Variants in RIT2 observed in about 807,000 individuals in gnomAD.
RIT2 encodes GTP-binding protein Rit2.
A neutral mutation model predicts 23.7 loss-of-function variants in RIT2; 24 were observed. The observed-to-expected ratio is 1.01, with a 90% CI of 0.73 to 1.43. The LOEUF (loss-of-function observed/expected upper bound fraction) is 1.43. RIT2 is among the 40% of genes most tolerant of loss of function. The pLI, the probability that RIT2 is intolerant of heterozygous loss-of-function variation, is 0.00. For missense variants in RIT2, 236 were observed against 266.9 expected (o/e 0.88, Z 0.81); for synonymous variants, 107 against 91.1 (o/e 1.17, Z -0.99).
intron 3 of RIT2, among the ~76,000 whole-genome samples, chr18:42,942,801 T>C (rs1282644760): frequency 6.6e-6 from 1 of 152,128 alleles, no homozygotes; most frequent in Non-Finnish European, 1.5e-5. Context: ...ATACAAATTA[T>C]TGTAAAATAA....
Position 42,837,153 on chromosome 18 carries a change from CTTTTTT to C in RIT2, c.426+86413_426+86418del, listed in dbSNP as rs570701535. ...TAAAAATTTCTTTTTTTTTCTTTTT[CTTTTTT>C]TTTTTTTTTTTTTTTTTTTTTTTTT... On this transcript the variant is annotated intron_variant, in intron 4 of 4. Coordinates refer to ENST00000326695, the MANE Select transcript of RIT2 (RefSeq NM_002930.4). Among the ~76,000 whole-genome samples, 796 of 51,514 alleles carry C rather than the reference CTTTTTT, an allele frequency of 0.015. No homozygotes were observed. The East Asian group carries it at 0.21, about 13-fold the overall frequency. The allele number at this position is 51,514 out of a possible 152,430, so 33.8% of individuals were successfully genotyped here. A position where few individuals can be genotyped will look rare whatever the true frequency, so the allele number is the denominator to read the frequency against.
intron 4 of RIT2, among the ~76,000 whole-genome samples, chr18:42,782,779 A>G (rs1336840597): frequency 6.6e-6 from 1 of 152,104 alleles, no homozygotes; most frequent in Non-Finnish European, 1.5e-5. Context: ...TTGGTAGGGA[A>G]TCTAAATGTT....
intron 4 of RIT2, among the ~76,000 whole-genome samples, chr18:42,757,773 G>T (rs558443068): frequency 6.6e-6 from 1 of 152,064 alleles, no homozygotes; most frequent in Admixed American, 6.6e-5. Context: ...TTCATTTCTT[G>T]TCTCAGATCT....
At chr18:42,998,645 A>C (rs181489601) in intron 2 of RIT2, among the ~76,000 whole-genome samples, 8 of 152,242 alleles carry the variant, frequency 5.3e-5, no homozygotes, top group Admixed American at 5.2e-4. Flanking sequence ...GCATTGAGTC[A>C]ATAATATTCA....
chr18:42,825,013 A>C (rs2143998540), intron 4 of RIT2, among the ~76,000 whole-genome samples: 1 of 152,062 alleles, frequency 6.6e-6, no homozygotes, highest in South Asian at 2.1e-4. Context: ...CAGGAATCTG[A>C]CATTTTGCAC....
intron 4 of RIT2, among the ~76,000 whole-genome samples, chr18:42,888,517 C>A (rs974449558): frequency 1.4e-5 from 2 of 146,214 alleles, no homozygotes; most frequent in Admixed American, 1.4e-4. Flanking sequence ...TCTCCAGCAT[C>A]TGTTTTTTTT....
At chr18:42,869,540 T>C (rs1009693955) in intron 4 of RIT2, among the ~76,000 whole-genome samples, 1 of 152,232 alleles carries the variant, frequency 6.6e-6, no homozygotes, top group Non-Finnish European at 1.5e-5. Flanking sequence ...CTTTATATGG[T>C]CTTGCCTTTA....
chr18:42,890,778 A>G (rs1908151234), intron 4 of RIT2, among the ~76,000 whole-genome samples: 1 of 152,132 alleles, frequency 6.6e-6, no homozygotes. Flanking sequence ...AAAAAATTAT[A>G]AACACTGAAA....
At chr18:42,861,187 A>G (rs1451617250) in intron 4 of RIT2, among the ~76,000 whole-genome samples, 1 of 152,214 alleles carries the variant, frequency 6.6e-6, no homozygotes, top group Non-Finnish European at 1.5e-5. Flanking sequence ...GTTTACATTG[A>G]ACTGTTTACT....
At chr18:42,915,216 C>A (rs1908876654) in intron 4 of RIT2, among the ~76,000 whole-genome samples, 1 of 151,120 alleles carries the variant, frequency 6.6e-6, no homozygotes, top group Non-Finnish European at 1.5e-5. Context: ...ACAGCCAGAG[C>A]CTAACTGCTG....
At chr18:43,113,434 A>G (rs1913997396) in intron 1 of RIT2, among the ~76,000 whole-genome samples, 2 of 152,130 alleles carry the variant, frequency 1.3e-5, no homozygotes, top group Non-Finnish European at 1.5e-5. Context: ...TCACAGGAAA[A>G]GTTTTGTTCA....
At chr18:43,085,702 G>A (rs904699785) in intron 1 of RIT2, among the ~76,000 whole-genome samples, 1 of 152,096 alleles carries the variant, frequency 6.6e-6, no homozygotes, top group Non-Finnish European at 1.5e-5. Flanking sequence ...GTAGAGTATA[G>A]GGTTAGCATA....
intron 1 of RIT2, among the ~76,000 whole-genome samples, chr18:43,043,544 A>T (rs566465335): frequency 6.6e-6 from 1 of 152,312 alleles, no homozygotes; most frequent in South Asian, 2.1e-4. Context: ...GTAACCCAGC[A>T]CTTTGGGAGG....
At chr18:42,878,727 T>C (rs2144075079) in intron 4 of RIT2, among the ~76,000 whole-genome samples, 1 of 152,158 alleles carries the variant, frequency 6.6e-6, no homozygotes, top group South Asian at 2.1e-4. Flanking sequence ...AATCTCCATG[T>C]CACTACAAAC....
intron 4 of RIT2, among the ~76,000 whole-genome samples, chr18:42,910,169 TACAG>T (rs374483682): frequency 5.9e-5 from 9 of 152,040 alleles, no homozygotes; most frequent in African/African-American, 1.9e-4. Flanking sequence ...CCAAGATACA[TACAG>T]ACAAACAATG....
At chr18:43,091,179 A>G (rs1308870333) in intron 1 of RIT2, among the ~76,000 whole-genome samples, 1 of 151,682 alleles carries the variant, frequency 6.6e-6, no homozygotes, top group Admixed American at 6.6e-5. Flanking sequence ...TATTTCATTT[A>G]CTATTTATTT....
At chr18:42,751,667 A>G (rs1913049455) in intron 4 of RIT2, among the ~76,000 whole-genome samples, 2 of 151,980 alleles carry the variant, frequency 1.3e-5, no homozygotes, top group African/African-American at 2.4e-5. Context: ...GGAATCATCG[A>G]CCATCTAATT....
Position 42,880,643 on chromosome 18 carries a change from G to A in RIT2, c.426+42929C>T, listed in dbSNP as rs138178511. ...TTAGAGTTTCCTGTCTCCATATCTC[G>A]TTTATCCCTTCTCTATAACTTCATC... On this transcript the variant is annotated intron_variant, in intron 4 of 4. Coordinates refer to ENST00000326695, the MANE Select transcript of RIT2 (RefSeq NM_002930.4). 7.1e-4 allele frequency among the ~76,000 whole-genome samples: 107 copies of A among 151,758 alleles called. 1 individual carries two copies. The highest frequency in any genetic ancestry group is 2.5e-3 in the Admixed American group (38 of 15,234).
chr18:42,885,942 C>A (rs1908011899), intron 4 of RIT2, among the ~76,000 whole-genome samples: 1 of 152,190 alleles, frequency 6.6e-6, no homozygotes, highest in Non-Finnish European at 1.5e-5. Context: ...CTGACATTAT[C>A]ATGAAGGGGC....
Sources: gnomAD v4.1 joint callset for allele counts (sites outside exome capture counted in the v4.1 genomes callset) on GRCh38, gnomAD v4.1.1 for gene constraint, MANE v1.5 for transcripts, NCBI Gene and HGNC (gene_info 2026-07-23, HGNC 2026-07-21) for gene names.